The following TMEM117 variants were observed in gnomAD, a reference collection of about 807,000 sequenced individuals.
TMEM117 encodes transmembrane protein 117.
Under a neutral mutation model 52.4 loss-of-function variants are expected in TMEM117, and 27 were observed. The ratio of observed to expected loss-of-function variants is 0.51; its 90% CI spans 0.38 to 0.71. The LOEUF (loss-of-function observed/expected upper bound fraction) is 0.71. Among genes scored for constraint, TMEM117 ranks in the 30% least tolerant of loss-of-function variants. The probability of loss-of-function intolerance (pLI) is 0.00; values close to 1 mark genes in which losing one functional copy is unlikely to be tolerated. For missense variants in TMEM117, 556 were observed against 630.5 expected (o/e 0.88, Z 1.26); for synonymous variants, 215 against 206.3 (o/e 1.04, Z -0.36).
At chr12:44,052,663 G>A (rs1481157442) in intron 3 of TMEM117, among the ~76,000 whole-genome samples, 1 of 152,110 alleles carries the variant, frequency 6.6e-6, no homozygotes, top group African/African-American at 2.4e-5. Flanking sequence ...AGCATTTAAG[G>A]CAACAACTGC....
At chr12:44,289,351 A>G (rs1298149416) in intron 5 of TMEM117, among the ~76,000 whole-genome samples, 1 of 151,928 alleles carries the variant, frequency 6.6e-6, no homozygotes, top group Non-Finnish European at 1.5e-5. Context: ...TGATATGAAC[A>G]AGAAAGTGCA....
At chr12:43,996,774 A>G (rs1946038204) in intron 3 of TMEM117, among the ~76,000 whole-genome samples, 1 of 152,180 alleles carries the variant, frequency 6.6e-6, no homozygotes, top group Non-Finnish European at 1.5e-5. Context: ...ACCATATCCC[A>G]GTGGCAGTCT....
intron 3 of TMEM117, among the ~76,000 whole-genome samples, chr12:44,127,349 G>A (rs1948342410): frequency 6.6e-6 from 1 of 151,846 alleles, no homozygotes; most frequent in South Asian, 2.1e-4. Flanking sequence ...TGTTTTGAAG[G>A]TATTTTGTAG....
intron 3 of TMEM117, among the ~76,000 whole-genome samples, chr12:43,950,928 C>T (rs963706155): frequency 1.3e-5 from 2 of 152,162 alleles, no homozygotes; most frequent in African/African-American, 4.8e-5. Context: ...CAGATGGTTT[C>T]TGCATTTCCA....
chr12:43,972,525 A>G (rs1945606296), intron 3 of TMEM117, among the ~76,000 whole-genome samples: 1 of 152,192 alleles, frequency 6.6e-6, no homozygotes, highest in East Asian at 1.9e-4. Context: ...GCCAGCTTTT[A>G]TTTCCTTATT....
chr12:44,349,803 TC>T lies in TMEM117; in HGVS notation c.769-26790del, dbSNP rs1187642217. ...ACAATTTTTTACGCATTTGCTATGT[TC>T]CAAACACTGTACCATGTACTAGAAA... On this transcript the variant is annotated intron_variant, in intron 6 of 7. Coordinates refer to ENST00000266534, the MANE Select transcript of TMEM117 (RefSeq NM_032256.3). 7.2e-5 allele frequency among the ~76,000 whole-genome samples: 11 copies of T among 152,178 alleles called. No individual in the cohort carries two copies. In the East Asian group the frequency reaches 2.1e-3, roughly 29 times the overall value.
At chr12:44,165,880 C>T (rs998028517) in intron 4 of TMEM117, among the ~76,000 whole-genome samples, 1 of 152,186 alleles carries the variant, frequency 6.6e-6, no homozygotes, top group Non-Finnish European at 1.5e-5. Flanking sequence ...ATGGACCTAA[C>T]AGACTTTTAT....
chr12:43,803,642 T>C, the TMEM117 span, among the ~76,000 whole-genome samples: 1 of 152,130 alleles, frequency 6.6e-6, no homozygotes, highest in South Asian at 2.1e-4. Context: ...TAGGAAGTGA[T>C]GGCATTAAAA....
At position 43,946,378 on chromosome 12, in the gene TMEM117, G is replaced by GTTTTTTTTTTTTTTTTTTTTTTTTT. The variant is rs1244597058; in HGVS notation, c.410+2052_410+2053insTTTTTTTTTTTTTTTTTTTTTTTTT. On this transcript the variant is annotated intron_variant, in intron 3 of 7. Transcript: ENST00000266534. ...AGAAGCTGACTTTTGATATAATTCT[G>GTTTTTTTTTTTTTTTTTTTTTTTTT]TTTTTTTTTTTTTTTTGTTTGTTTT... 6.2e-5 allele frequency among the ~76,000 whole-genome samples: 7 copies of GTTTTTTTTTTTTTTTTTTTTTTTTT among 113,494 alleles called. 1 individual carries two copies. The highest frequency in any genetic ancestry group is 1.2e-4 in the Non-Finnish European group (7 of 57,436). 74.5% of individuals were successfully genotyped at this position (113,494 alleles called of 152,430 possible).
intron 2 of TMEM117, among the ~76,000 whole-genome samples, chr12:43,879,910 C>G (rs1943866515): frequency 6.6e-6 from 1 of 152,070 alleles, no homozygotes; most frequent in Non-Finnish European, 1.5e-5. Flanking sequence ...GAAAGTGATT[C>G]CAGCTGGCTA....
intron 3 of TMEM117, among the ~76,000 whole-genome samples, chr12:44,132,104 G>A (rs185268739): frequency 9.6e-4 from 146 of 152,086 alleles, no homozygotes; most frequent in African/African-American, 3.2e-3. Flanking sequence ...TTAGGGAGAC[G>A]GAGGCAGTGT....
intron 2 of TMEM117, among the ~76,000 whole-genome samples, chr12:43,897,616 TC>T (rs1944228770): frequency 6.6e-6 from 1 of 151,994 alleles, no homozygotes; most frequent in Admixed American, 6.6e-5. Flanking sequence ...CCTGGACTTT[TC>T]TTTTTTTAGA....
At chr12:44,290,180 A>G (rs1013399010) in intron 5 of TMEM117, among the ~76,000 whole-genome samples, 2 of 152,262 alleles carry the variant, frequency 1.3e-5, no homozygotes, top group East Asian at 3.9e-4. Context: ...CTTTTGCAGT[A>G]CATAAGTGTG....
chr12:44,287,410 C>A (rs900365903), intron 5 of TMEM117, among the ~76,000 whole-genome samples: 2 of 152,070 alleles, frequency 1.3e-5, no homozygotes, highest in East Asian at 1.9e-4. Context: ...GAAGTAGAAA[C>A]CCCCCAAGAA....
At chr12:44,137,602 G>C (rs138833795) in intron 3 of TMEM117, among the ~76,000 whole-genome samples, 31 of 152,214 alleles carry the variant, frequency 2.0e-4, no homozygotes, top group African/African-American at 7.5e-4. Flanking sequence ...TGGCTGGGAG[G>C]CATCACAATC....
chr12:44,021,283 C>A (rs761862073), intron 3 of TMEM117, among the ~76,000 whole-genome samples: 24 of 152,186 alleles, frequency 1.6e-4, no homozygotes, highest in Middle Eastern at 6.8e-3. Flanking sequence ...TCAAATAGAA[C>A]CTAGTTAGTG....
rs139946879 is a variant in TMEM117, at chr12:43,843,188, C to G, written c.-28-1436C>G. The stretch of plus-strand genomic sequence containing the variant: ...CCCTCTTCCCCCTCTTCCCCCTCTT[C>G]CCTTTCTGAATTCTAACTAAACTGG... On this transcript the variant is annotated intron_variant, in intron 1 of 7. Coordinates refer to ENST00000266534, the MANE Select transcript of TMEM117 (RefSeq NM_032256.3). Among the ~76,000 whole-genome samples, 325 of 152,292 alleles carry G rather than the reference C, an allele frequency of 2.1e-3. 2 individuals carry two copies. Among genetic ancestry groups the G allele is most frequent in the Middle Eastern group, 0.014 (4 of 294 alleles).
chr12:44,342,144 C>G (rs942027854), intron 6 of TMEM117, among the ~76,000 whole-genome samples: 2 of 152,100 alleles, frequency 1.3e-5, no homozygotes, highest in African/African-American at 4.8e-5. Flanking sequence ...AGGAACAATT[C>G]CAGTGTACTG....
At chr12:44,167,108 A>G (rs1331323113) in intron 4 of TMEM117, among the ~76,000 whole-genome samples, 1 of 152,126 alleles carries the variant, frequency 6.6e-6, no homozygotes, top group Non-Finnish European at 1.5e-5. Flanking sequence ...CCCCTAGAAT[A>G]TGTATTTTTT....
Sources: allele counts gnomAD v4.1 joint callset (sites outside exome capture counted in the v4.1 genomes callset), GRCh38; gene constraint gnomAD v4.1.1; transcripts MANE v1.5; gene names NCBI Gene and HGNC (gene_info 2026-07-23, HGNC 2026-07-21).